DYSF: variants seen among roughly 807,000 people sequenced by gnomAD.
DYSF encodes dystrophy-associated fer-1-like 1.
DYSF carries 212 observed loss-of-function variants against 274.9 expected under a neutral mutation model. The ratio of observed to expected loss-of-function variants is 0.77; its 90% confidence interval spans 0.69 to 0.86. The LOEUF is 0.86. Ranked by LOEUF, DYSF falls within the 40% of genes least tolerant of loss-of-function variation. DYSF has a pLI of 0.00. For synonymous variants in DYSF, 1,091 were observed against 1,078.7 expected, an observed-to-expected ratio of 1.01 and a Z score of -0.22; for missense variants, 2,666 against 2,783.2, an observed-to-expected ratio of 0.96 and a Z score of 0.95.
chr2:71,509,416 C>T (rs2085847912), intron 4 of DYSF, among the ~76,000 whole-genome samples: 1 of 152,176 alleles, frequency 6.6e-6, no homozygotes. Flanking sequence ...CCTGTCTCAG[C>T]CTCCCAAAGT....
At chr2:71,542,894 C>T (rs561552741) in intron 17 of DYSF, among the ~76,000 whole-genome samples, 6 of 152,368 alleles carry the variant, frequency 3.9e-5, no homozygotes, top group South Asian at 2.1e-4. Flanking sequence ...GGGTACACCT[C>T]GCAGATGGGG....
intron 22 of DYSF, among the ~76,000 whole-genome samples, chr2:71,561,323 G>A (rs2091739206): frequency 6.6e-6 from 1 of 152,194 alleles, no homozygotes. Context: ...ACAGCACAGA[G>A]CAGACTTGTT....
chr2:71,665,174 CCAGTGG>C lies in DYSF; in HGVS notation c.5189_5194del (p.Gln1730_Trp1731del). ...GCTTGCTCCTCAGCTCTGGACCGAA[CCAGTGG>C]CGGGACCAGCTCCGCCCCTCCCAGC... On this transcript the variant is annotated inframe_deletion, in exon 47 of 56. Transcript: ENST00000410020. The C allele has an allele frequency of 6.2e-7, 1 of 1,614,038 alleles. No homozygotes were observed. Among genetic ancestry groups the C allele is most frequent in the Non-Finnish European group, 8.5e-7 (1 of 1,180,040 alleles).
At chr2:71,589,785 T>G (rs2093198305) in intron 31 of DYSF, 99 bp downstream of exon 31, 1 of 1,214,640 alleles carries the variant, frequency 8.2e-7, no homozygotes, top group Non-Finnish European at 1.2e-6. Flanking sequence ...TGTGGGGCTC[T>G]GGGGAGCTGA....
In DYSF at chr2:71,455,608, T is replaced by C. The variant is rs368437097; in HGVS notation, c.88+1522T>C. ...AGCAGCCTGGCTGAGGGCTCTGGGC[T>C]CCTGGTGCACAACTCCAGGGGGCAC... is the stretch of plus-strand genomic sequence containing the variant. On this transcript the variant is annotated intron_variant, in intron 1 of 54. Coordinates refer to the DYSF transcript ENST00000258104. Among the ~76,000 whole-genome samples the C allele has an allele frequency of 2.7e-4, 41 of 152,294 alleles. 1 individual carries two copies. In the East Asian group the frequency reaches 4.8e-3, roughly 18 times the overall value.
chr2:71,540,262 C>A (rs2089812482), intron 17 of DYSF, among the ~76,000 whole-genome samples: 1 of 152,028 alleles, frequency 6.6e-6, no homozygotes, highest in South Asian at 2.1e-4. Context: ...AGGCGCGCGC[C>A]ACCACGCCCG....
intron 3 of DYSF, among the ~76,000 whole-genome samples, chr2:71,498,306 C>A (rs1308065223): frequency 1.3e-5 from 2 of 152,120 alleles, no homozygotes; most frequent in African/African-American, 4.8e-5. Context: ...CAGCTGTTAG[C>A]GAGATCTGGC....
intron 21 of DYSF, 94 bp downstream of exon 21, chr2:71,554,025 C>T (rs2091159877): frequency 1.9e-6 from 3 of 1,569,392 alleles, no homozygotes; most frequent in African/African-American, 2.8e-5. Context: ...CACTGGTGCA[C>T]ACACTGACAC....
intron 51 of DYSF, among the ~76,000 whole-genome samples, chr2:71,673,727 TGG>T (rs1338202854): frequency 6.6e-6 from 1 of 152,202 alleles, no homozygotes; most frequent in Non-Finnish European, 1.5e-5. Flanking sequence ...CCTAGCTATG[TGG>T]TCTTGGACAA....
chr2:71,479,763 T>C lies in DYSF; in HGVS notation c.92-1120T>C, dbSNP rs574210715. Among the ~76,000 whole-genome samples, 52 of 152,270 alleles carry C rather than the reference T, an allele frequency of 3.4e-4. No homozygotes were observed. The East Asian group carries it at 9.5e-3, about 28-fold the overall frequency. On this transcript the variant is annotated intron_variant, in intron 1 of 55. Coordinates refer to ENST00000410020, the MANE Select transcript of DYSF (RefSeq NM_001130987.2). ...GTGGGTCAGCTCTCAGCCATCAAAG[T>C]GTTAGTTCTTCTTGTCCACCTCAGA...
rs1423128345 is a variant in DYSF at position 71,481,980 on chromosome 2, C to T, written c.239+10C>T. On this transcript the variant is annotated intron_variant, in intron 3 of 55. Coordinates refer to ENST00000410020, the MANE Select transcript of DYSF (RefSeq NM_001130987.2). ...CGATGGGGAGGAACAGGTAAGGTGG[C>T]CAGAGGGGGGTGCTCCATGGCTTGA... 1 of 1,611,604 alleles carries T rather than the reference C, an allele frequency of 6.2e-7. No individual in the cohort carries two copies. Among genetic ancestry groups the T allele is most frequent in the Non-Finnish European group, 8.5e-7 (1 of 1,178,108 alleles).
chr2:71,582,523 T>C (rs2092930302), intron 30 of DYSF, among the ~76,000 whole-genome samples: 1 of 152,198 alleles, frequency 6.6e-6, no homozygotes, highest in Non-Finnish European at 1.5e-5. Context: ...GTGCAGGGTT[T>C]GTAGTAGTGT....
At chr2:71,588,171 G>A (rs1370105238) in intron 30 of DYSF, among the ~76,000 whole-genome samples, 5 of 152,164 alleles carry the variant, frequency 3.3e-5, no homozygotes, top group Admixed American at 2.6e-4. Context: ...GCCGGGTTTG[G>A]GGGAAGAAAG....
At chr2:71,607,377 A>G (rs989498900) in intron 36 of DYSF, among the ~76,000 whole-genome samples, 10 of 152,176 alleles carry the variant, frequency 6.6e-5, no homozygotes, top group Non-Finnish European at 1.2e-4. Flanking sequence ...GGGGAAATTT[A>G]TCTCATGAGA....
chr2:71,668,856 C>T lies in DYSF; in HGVS notation c.5546+14C>T, dbSNP rs777999136. On this transcript the variant is annotated intron_variant, in intron 49 of 55. Transcript: ENST00000410020. ...GAGAGCCAGAAGGTGACTTGCCCAG[C>T]CACAGGCTCTGAGCTGGGCTGAGGG... 9 of 1,611,706 alleles carry T rather than the reference C, an allele frequency of 5.6e-6. No homozygotes were observed. Among genetic ancestry groups the T allele is most frequent in the Non-Finnish European group, 7.6e-6 (9 of 1,178,968 alleles).
chr2:71,551,545 C>T lies in DYSF; in HGVS notation c.1693-62C>T, dbSNP rs2303593. 15,552 of 1,424,968 alleles carry T rather than the reference C, an allele frequency of 0.011. 1,096 individuals are homozygous for T. In the African/African-American group the frequency reaches 0.17, roughly 16 times the overall value. 88.3% of individuals were successfully genotyped at this position (1,424,968 alleles called of 1,614,324 possible). ...GAGCTACCTCAGGGCCAGAGGGTGC[C>T]CCTTTCCTTCCCCTCCTCCCCTCTG... On this transcript the variant is annotated intron_variant, in intron 18 of 55. Transcript: ENST00000410020.
chr2:71,498,864 T>C (rs1559009996), intron 3 of DYSF, among the ~76,000 whole-genome samples: 1 of 152,238 alleles, frequency 6.6e-6, no homozygotes, highest in Non-Finnish European at 1.5e-5. Context: ...GCCGGTTTCA[T>C]TAATAGGAGG....
At chr2:71,501,300 A>C (rs748000163) in intron 3 of DYSF, among the ~76,000 whole-genome samples, 1 of 152,202 alleles carries the variant, frequency 6.6e-6, no homozygotes, top group Non-Finnish European at 1.5e-5. Flanking sequence ...CTGCCTTGCT[A>C]GCAAGGGCAC....
chr2:71,476,560 C>A (rs1283656676), intron 1 of DYSF, among the ~76,000 whole-genome samples: 1 of 149,852 alleles, frequency 6.7e-6, no homozygotes, highest in Admixed American at 6.6e-5. Context: ...AAAAAAAAGG[C>A]CTTGGCACTA....
Sources: allele counts gnomAD v4.1 joint callset (sites outside exome capture counted in the v4.1 genomes callset), GRCh38; gene constraint gnomAD v4.1.1; transcripts MANE v1.5; gene names NCBI Gene and HGNC (gene_info 2026-07-23, HGNC 2026-07-21).